Variants in DKK2 observed in about 807,000 individuals in gnomAD.
DKK2 encodes dickkopf Wnt signaling pathway inhibitor 2.
In DKK2, 11 loss-of-function variants were observed where a neutral mutation model predicts 28.1. The observed-to-expected ratio is 0.39, with a 90% CI of 0.25 to 0.65. The LOEUF is 0.65. DKK2 is among the 30% of genes least tolerant of loss of function. The pLI is 0.47. For synonymous variants in DKK2, 135 were observed against 126.5 expected (o/e 1.07, Z -0.45); for missense variants, 326 against 335.5 (o/e 0.97, Z 0.22).
chr4:106,955,508 C>A (rs1296005654), intron 1 of DKK2, among the ~76,000 whole-genome samples: 1 of 152,182 alleles, frequency 6.6e-6, no homozygotes, highest in Non-Finnish European at 1.5e-5. Flanking sequence ...ACCCAACACA[C>A]ATCAACATTT....
At chr4:106,959,264 T>A (rs1277975357) in intron 1 of DKK2, among the ~76,000 whole-genome samples, 3 of 152,138 alleles carry the variant, frequency 2.0e-5, no homozygotes, top group Non-Finnish European at 2.9e-5. Context: ...AATATCCACA[T>A]CACCAAAAGC....
At chr4:107,033,665 T>C (rs1723911324) in intron 1 of DKK2, among the ~76,000 whole-genome samples, 1 of 152,134 alleles carries the variant, frequency 6.6e-6, no homozygotes, top group South Asian at 2.1e-4. Context: ...CTCAGGACTA[T>C]TGAGGTTTCC....
chr4:106,982,984 A>G (rs1200785791), intron 1 of DKK2, among the ~76,000 whole-genome samples: 1 of 151,504 alleles, frequency 6.6e-6, no homozygotes, highest in Non-Finnish European at 1.5e-5. Flanking sequence ...AAGAGAAAGA[A>G]AGAAAGAGAA....
chr4:107,005,453 T>G (rs1003799421), intron 1 of DKK2, among the ~76,000 whole-genome samples: 6 of 152,156 alleles, frequency 3.9e-5, no homozygotes, highest in African/African-American at 1.2e-4. Context: ...AAATATAATT[T>G]TTTTAAAAAA....
chr4:106,999,419 T>A (rs1723324809), intron 1 of DKK2, among the ~76,000 whole-genome samples: 1 of 152,234 alleles, frequency 6.6e-6, no homozygotes, highest in Non-Finnish European at 1.5e-5. Context: ...CAATCTTGGC[T>A]CACTGCAACC....
chr4:107,009,177 A>C (rs774510045), intron 1 of DKK2, among the ~76,000 whole-genome samples: 37 of 151,960 alleles, frequency 2.4e-4, no homozygotes, highest in Non-Finnish European at 4.1e-4. Flanking sequence ...GTTCAAAGGT[A>C]GGTGTCTACT....
intron 1 of DKK2, among the ~76,000 whole-genome samples, chr4:106,961,319 A>G (rs1041911568): frequency 2.0e-5 from 3 of 152,140 alleles, no homozygotes; most frequent in African/African-American, 7.2e-5. Flanking sequence ...AAAAGTTGGT[A>G]CATGTTGTGA....
intron 1 of DKK2, among the ~76,000 whole-genome samples, chr4:106,955,752 G>C (rs1722581284): frequency 6.6e-6 from 1 of 151,954 alleles, no homozygotes; most frequent in African/African-American, 2.4e-5. Flanking sequence ...CCATATCTTG[G>C]TACTAAGCTA....
chr4:107,027,460 GAAA>G (rs71590175), intron 1 of DKK2, among the ~76,000 whole-genome samples: 1 of 131,052 alleles, frequency 7.6e-6, no homozygotes, highest in East Asian at 2.1e-4. Flanking sequence ...ATCTCAAAAT[GAAA>G]AAAAAAAAAA....
At chr4:106,999,480 G>A (rs1039763045) in intron 1 of DKK2, among the ~76,000 whole-genome samples, 2 of 152,152 alleles carry the variant, frequency 1.3e-5, no homozygotes, top group African/African-American at 4.8e-5. Context: ...CTACGGAGCT[G>A]GGACTACAGG....
intron 1 of DKK2, among the ~76,000 whole-genome samples, chr4:106,946,591 A>C (rs1724779845): frequency 6.6e-6 from 1 of 152,134 alleles, no homozygotes; most frequent in Non-Finnish European, 1.5e-5. Context: ...AGAAGCAGCC[A>C]GCTGAAGACA....
intron 1 of DKK2, among the ~76,000 whole-genome samples, chr4:107,020,256 G>A (rs558458576): frequency 1.3e-5 from 2 of 152,188 alleles, no homozygotes; most frequent in South Asian, 2.1e-4. Flanking sequence ...TTTTAACAAT[G>A]AGAATTTTTA....
At chr4:106,929,424 C>T (rs763215818) in intron 1 of DKK2, among the ~76,000 whole-genome samples, 101 of 152,182 alleles carry the variant, frequency 6.6e-4, no homozygotes, top group Middle Eastern at 6.3e-3. Context: ...ATCATACGCT[C>T]AGCTTATGAG....
chr4:106,961,576 C>CAA (rs564717745), intron 1 of DKK2, among the ~76,000 whole-genome samples: 101 of 151,730 alleles, frequency 6.7e-4, no homozygotes, highest in African/African-American at 2.4e-3. Flanking sequence ...CACACACACA[C>CAA]ACACACACAC....
chr4:106,984,881 A>G (rs895151768), intron 1 of DKK2, among the ~76,000 whole-genome samples: 1 of 152,210 alleles, frequency 6.6e-6, no homozygotes, highest in African/African-American at 2.4e-5. Flanking sequence ...TGTAATCCCC[A>G]GAGAAATTAT....
chr4:107,001,327 C>T (rs539957858), intron 1 of DKK2, among the ~76,000 whole-genome samples: 54 of 152,186 alleles, frequency 3.5e-4, no homozygotes, highest in Admixed American at 1.0e-3. Flanking sequence ...TCCAGAGCTG[C>T]GAGAAAATAA....
chr4:106,926,503 C>T (rs1225480318), intron 1 of DKK2, among the ~76,000 whole-genome samples: 1 of 152,144 alleles, frequency 6.6e-6, no homozygotes, highest in African/African-American at 2.4e-5. Flanking sequence ...CAGTATGAGG[C>T]AGTGAATTAT....
chr4:106,963,229 T>C (rs968440015), intron 1 of DKK2, among the ~76,000 whole-genome samples: 2 of 151,864 alleles, frequency 1.3e-5, no homozygotes, highest in African/African-American at 4.8e-5. Context: ...GGCAGGCACC[T>C]GTAATCCCAG....
At chr4:106,994,249 C>G (rs1024882041) in intron 1 of DKK2, among the ~76,000 whole-genome samples, 1 of 152,158 alleles carries the variant, frequency 6.6e-6, no homozygotes. Context: ...AAAAGCCGAG[C>G]CTTCAGAGCT....
Sources: allele counts gnomAD v4.1 joint callset (sites outside exome capture counted in the v4.1 genomes callset), GRCh38; gene constraint gnomAD v4.1.1; transcripts MANE v1.5; gene names NCBI Gene and HGNC (gene_info 2026-07-23, HGNC 2026-07-21).